Variants in TLR6 observed in about 807,000 individuals in gnomAD.
The protein encoded by TLR6 is toll-like receptor 6.
In TLR6, 9 loss-of-function variants were observed where a neutral mutation model predicts 16.1. The ratio of observed to expected loss-of-function variants is 0.56; its 90% CI spans 0.34 to 0.98. TLR6 has a LOEUF of 0.98. TLR6 is among the 50% of genes least tolerant of loss of function. The probability of loss-of-function intolerance (pLI) is 0.02; values close to 1 mark genes in which losing one functional copy is unlikely to be tolerated. For missense variants in TLR6, 786 were observed against 921.0 expected, an observed-to-expected ratio of 0.85 and a Z score of 1.90; for synonymous variants, 340 against 338.6, an observed-to-expected ratio of 1.00 and a Z score of -0.04.
At chr4:38,862,045 T>C in the TLR6 span, among the ~76,000 whole-genome samples, 1 of 152,200 alleles carries the variant, frequency 6.6e-6, no homozygotes, top group Non-Finnish European at 1.5e-5. Context: ...ACAATGAAAA[T>C]AGATGCTACC....
intron 1 of TLR6, among the ~76,000 whole-genome samples, chr4:38,855,828 T>C (rs2109477312): frequency 6.6e-6 from 1 of 151,514 alleles, no homozygotes; most frequent in Non-Finnish European, 1.5e-5. Flanking sequence ...AAGATGAGAG[T>C]GGAAGATTAG....
chr4:38,830,465 A>G (rs1189873868), intron 1 of TLR6, among the ~76,000 whole-genome samples: 1 of 152,234 alleles, frequency 6.6e-6, no homozygotes, highest in Non-Finnish European at 1.5e-5. Flanking sequence ...CTATAGTCCC[A>G]GAACTTGGGG....
chr4:38,844,170 C>T (rs1197942575), intron 1 of TLR6, among the ~76,000 whole-genome samples: 1 of 152,162 alleles, frequency 6.6e-6, no homozygotes, highest in East Asian at 1.9e-4. Context: ...TTAGGGAGCA[C>T]ACCGCATTCT....
At chr4:38,840,102 A>G (rs78643109) in intron 1 of TLR6, among the ~76,000 whole-genome samples, 2,874 of 152,332 alleles carry the variant, frequency 0.019, 98 homozygotes, top group African/African-American at 0.065. Flanking sequence ...GGTGTTACCA[A>G]TAAAGTTTGT....
At chr4:38,857,296 T>C (rs780352105), upstream of TLR6, among the ~76,000 whole-genome samples, 1 of 152,244 alleles carries the variant, frequency 6.6e-6, no homozygotes. Flanking sequence ...GAAAGTTTAC[T>C]GGTTGATACA....
Position 38,829,281 on chromosome 4 carries a change from C to T in TLR6, c.193G>A (p.Ala65Thr), listed in dbSNP as rs147451034. The T allele has an allele frequency of 4.3e-5, 70 of 1,614,146 alleles. 1 individual carries two copies. Among genetic ancestry groups the T allele is most frequent in the African/African-American group, 2.1e-4 (16 of 75,058 alleles). ...CTCATGTCAGAGACCTGAAGCTCAG[C>T]GATGTAGTTCTGAGACATATCTAAG... The change falls in exon 2 of 2, where the codon GCT (alanine) becomes ACT (threonine). Residue 65 changes from alanine (A) to threonine (T), a missense_variant. Physicochemically the swap from Ala to Thr is moderately conservative, Grantham distance 58. Coordinates refer to ENST00000436693, the Ensembl canonical transcript of TLR6.
intron 1 of TLR6, among the ~76,000 whole-genome samples, chr4:38,847,815 C>T (rs1263656532): frequency 6.6e-6 from 1 of 152,232 alleles, no homozygotes; most frequent in Non-Finnish European, 1.5e-5. Flanking sequence ...CCCACCACAG[C>T]TCAAGGAGGC....
At chr4:38,860,348 T>C (rs1579266044), upstream of TLR6, among the ~76,000 whole-genome samples, 1 of 152,068 alleles carries the variant, frequency 6.6e-6, no homozygotes, top group African/African-American at 2.4e-5. Flanking sequence ...GGCTGGCGCC[T>C]GTAGTCCCAG....
intron 1 of TLR6, among the ~76,000 whole-genome samples, chr4:38,850,838 C>T (rs555474088): frequency 6.1e-4 from 93 of 152,274 alleles, no homozygotes; most frequent in Admixed American, 5.0e-3. Context: ...TGAAACTATT[C>T]CAATCAATAG....
intron 1 of TLR6, among the ~76,000 whole-genome samples, chr4:38,834,142 G>A (rs1298752146): frequency 6.6e-6 from 1 of 151,408 alleles, no homozygotes; most frequent in African/African-American, 2.4e-5. Flanking sequence ...CGAGGCTGAG[G>A]CATGAGAATT....
the TLR6 span, chr4:38,867,782 G>A: frequency 6.6e-6 from 1 of 150,988 alleles, no homozygotes. Context: ...CCCTGCAGAC[G>A]TGGCGGGGCG....
At chr4:38,836,660 T>G (rs780614388) in intron 1 of TLR6, among the ~76,000 whole-genome samples, 46 of 152,282 alleles carry the variant, frequency 3.0e-4, no homozygotes, top group Non-Finnish European at 5.4e-4. Context: ...AGACAAGGAC[T>G]GGGTGTGGTG....
At chr4:38,856,682 T>C (rs539756259) in intron 1 of TLR6, 79 bp downstream of exon 1, 6 of 152,342 alleles carry the variant, frequency 3.9e-5, no homozygotes, top group Non-Finnish European at 7.3e-5. Context: ...ATTTCCTATA[T>C]AATGAATGGT....
upstream of TLR6, among the ~76,000 whole-genome samples, chr4:38,858,263 C>G (rs1013681114): frequency 1.3e-5 from 2 of 152,174 alleles, no homozygotes; most frequent in Non-Finnish European, 2.9e-5. Context: ...ATTTATTCAT[C>G]CACAAAATGG....
At chr4:38,833,779 CATAG>C (rs1711753181) in intron 1 of TLR6, among the ~76,000 whole-genome samples, 1 of 151,936 alleles carries the variant, frequency 6.6e-6, no homozygotes, top group South Asian at 2.1e-4. Context: ...TACAAGAGAG[CATAG>C]ATAAATAATA....
chr4:38,854,348 A>AT (rs1444504504), intron 1 of TLR6, among the ~76,000 whole-genome samples: 2 of 152,158 alleles, frequency 1.3e-5, no homozygotes, highest in Non-Finnish European at 2.9e-5. Context: ...ATAAATTGTA[A>AT]TTTTTTATAA....
At chr4:38,824,248 G>C (rs1727444393) in exon 2 of TLR6, 1 of 152,350 alleles carries the variant, frequency 6.6e-6, no homozygotes, top group African/African-American at 2.4e-5. Context: ...CAGGGAACAG[G>C]TGGAGAAGTC....
At chr4:38,828,334 C>T (rs1336825239) in exon 2 of TLR6, 2 of 1,613,250 alleles carry the variant, frequency 1.2e-6, no homozygotes, top group Non-Finnish European at 1.7e-6. Flanking sequence ...AGATAAGTGT[C>T]TCCAATTTAA....
At chr4:38,853,700 C>G (rs1328778218) in intron 1 of TLR6, among the ~76,000 whole-genome samples, 1 of 152,184 alleles carries the variant, frequency 6.6e-6, no homozygotes, top group East Asian at 1.9e-4. Flanking sequence ...AGGTCCTGGG[C>G]TCATGCCATC....
Sources: allele counts gnomAD v4.1 joint callset (sites outside exome capture counted in the v4.1 genomes callset), GRCh38; gene constraint gnomAD v4.1.1; transcripts MANE v1.5; gene names NCBI Gene and HGNC (gene_info 2026-07-23, HGNC 2026-07-21).